Variants in LHX9 observed in about 807,000 individuals in gnomAD.
LHX9 encodes the protein LIM/homeobox protein Lhx9.
A neutral mutation model predicts 36.5 loss-of-function variants in LHX9; 9 were observed. The ratio of observed to expected loss-of-function variants is 0.25; its 90% CI spans 0.15 to 0.43. The LOEUF (loss-of-function observed/expected upper bound fraction) is 0.43. Ranked by LOEUF, LHX9 falls within the 20% of genes least tolerant of loss-of-function variation. The pLI, the probability that LHX9 is intolerant of heterozygous loss-of-function variation, is 1.00. For synonymous variants in LHX9, 211 were observed against 212.1 expected (o/e 0.99, Z 0.04); for missense variants, 464 against 526.4 (o/e 0.88, Z 1.16).
Position 197,920,171 on chromosome 1 carries a change from A to T in LHX9, c.374A>T (p.Tyr125Phe). 6.2e-7 allele frequency: 1 copy of T among 1,613,718 alleles called. No individual in the cohort carries two copies. The highest frequency in any genetic ancestry group is 8.5e-7 in the Non-Finnish European group (1 of 1,179,640). The stretch of plus-strand genomic sequence containing the variant: ...AGCATTTACTGCAAGGAGGATTACT[A>T]CAGGTACTCCCCTACACCCCCACTT... Reference protein sequence around the residue: ...DGSIYCKEDYYRRFSVQRCAR... With the variant: ...DGSIYCKEDYFRRFSVQRCAR... The change falls in exon 2 of 5, where the codon TAC becomes TTC. Residue 125 changes from tyrosine to phenylalanine, a missense_variant. Tyr to Phe is a conservative substitution (Grantham distance 22). Coordinates refer to ENST00000367387, the MANE Select transcript of LHX9 (RefSeq NM_020204.3).
At chr1:197,914,943 T>A (rs1034800693), upstream of LHX9, among the ~76,000 whole-genome samples, 15 of 152,180 alleles carry the variant, frequency 9.9e-5, no homozygotes, top group African/African-American at 3.6e-4. Flanking sequence ...TTGTGTGGAA[T>A]AGAAGAATGA....
chr1:197,918,576 A>G, intron 1 of LHX9: 1 of 575,168 alleles, frequency 1.7e-6, no homozygotes, highest in Non-Finnish European at 3.1e-6. Flanking sequence ...AGACAGCACT[A>G]CGTTTAGCGC....
intron 3 of LHX9, among the ~76,000 whole-genome samples, chr1:197,926,705 G>A (rs994243408): frequency 6.6e-6 from 1 of 152,148 alleles, no homozygotes; most frequent in Non-Finnish European, 1.5e-5. Flanking sequence ...CACACATCTG[G>A]AGCAAAAGGG....
rs530092935 is a variant in LHX9 at position 197,921,805 on chromosome 1, A to G, written c.733+146A>G. The G allele has an allele frequency of 2.0e-4, 141 of 708,692 alleles. No homozygotes were observed. The highest frequency in any genetic ancestry group is 3.2e-5 in the Non-Finnish European group (14 of 439,596). 43.9% of individuals were successfully genotyped at this position (708,692 alleles called of 1,614,324 possible). A position where few individuals can be genotyped will look rare whatever the true frequency, so the allele number is the denominator to read the frequency against. ...CTGCAACTCCCTCTCACTCTGAAGG[A>G]AGGGAGAGAGGGAGGAGGAGGGGGG... On this transcript the variant is annotated intron_variant, in intron 3 of 4. Transcript: ENST00000367387. This position sits in a 1 kb window ranked among gnomAD's most constrained non-coding sequence, Gnocchi z 4.6.
chr1:197,913,098 G>T (rs573025785), upstream of LHX9: 59 of 155,310 alleles, frequency 3.8e-4, no homozygotes, highest in Non-Finnish European at 7.7e-4. Flanking sequence ...AGAGCTGAGG[G>T]CAGGCGGCGC....
chr1:197,921,788 C>A lies in LHX9; in HGVS notation c.733+129C>A. 2 of 735,964 alleles carry A rather than the reference C, an allele frequency of 2.7e-6. No individual in the cohort carries two copies. Among genetic ancestry groups the A allele is most frequent in the Non-Finnish European group, 4.3e-6 (2 of 462,582 alleles). 45.6% of individuals were successfully genotyped at this position (735,964 alleles called of 1,614,324 possible). ...CAATGCCTCTGTTCTCACTGCAACT[C>A]CCTCTCACTCTGAAGGAAGGGAGAG... On this transcript the variant is annotated intron_variant, in intron 3 of 4. Coordinates refer to ENST00000367387, the MANE Select transcript of LHX9 (RefSeq NM_020204.3). This position sits in a 1 kb window ranked among gnomAD's most constrained non-coding sequence, Gnocchi z 4.6.
Position 197,920,288 on chromosome 1 carries a change from T to G in LHX9, c.377+114T>G. On this transcript the variant is annotated intron_variant, in intron 2 of 4. Coordinates refer to ENST00000367387, the MANE Select transcript of LHX9 (RefSeq NM_020204.3). ...TTTTGCCCCATTCCGGGTGCTGTTA[T>G]CATTTCGGAGACCAGGCAAACCCAC... 3 of 909,260 alleles carry G rather than the reference T, an allele frequency of 3.3e-6. No homozygotes were observed. The Admixed American group carries it at 6.0e-5, about 18-fold the overall frequency. 56.3% of individuals were successfully genotyped at this position (909,260 alleles called of 1,614,324 possible).
rs189373986 is a variant in LHX9, at chr1:197,924,641, C to T, written c.734-2950C>T. 7.9e-5 allele frequency among the ~76,000 whole-genome samples: 12 copies of T among 152,290 alleles called. No individual in the cohort carries two copies. In the East Asian group the frequency reaches 2.3e-3, roughly 29 times the overall value. ...TTTGCCACTTCTCAAAATATCCTTT[C>T]CTTAAGCCCTTTCTTCCTATCCAAA... On this transcript the variant is annotated intron_variant, in intron 3 of 4. Coordinates refer to ENST00000367387, the MANE Select transcript of LHX9 (RefSeq NM_020204.3).
At chr1:197,917,167 C>T (rs2102590467), upstream of LHX9, 2 of 928,042 alleles carry the variant, frequency 2.2e-6, no homozygotes, top group South Asian at 1.0e-4. Flanking sequence ...GCCCCCTCCT[C>T]CTGCCTCCCC....
chr1:197,931,851 A>G lies in LHX9; in HGVS notation c.*2592A>G. On this transcript the variant is annotated 3_prime_UTR_variant, in exon 5 of 5. Coordinates refer to ENST00000367387, the MANE Select transcript of LHX9 (RefSeq NM_020204.3). ...CAAATGGATATTTGTAAATCTAAAT[A>G]GAAATTGCAGACCCCTAAAAGCCAA... 1 of 1,013,886 alleles carries G rather than the reference A, an allele frequency of 9.9e-7. No homozygotes were observed. The highest frequency in any genetic ancestry group is 2.1e-4 in the Middle Eastern group (1 of 4,858). 62.8% of individuals were successfully genotyped at this position (1,013,886 alleles called of 1,614,324 possible).
chr1:197,916,778 C>T, upstream of LHX9: 1 of 702,960 alleles, frequency 1.4e-6, no homozygotes, highest in Non-Finnish European at 2.6e-6. Flanking sequence ...AATTGTCAGA[C>T]AGCTGCTTTT....
upstream of LHX9, chr1:197,916,369 G>A (rs1350052827): frequency 2.7e-6 from 1 of 366,112 alleles, no homozygotes; most frequent in African/African-American, 2.1e-5. Flanking sequence ...CTGAGTGTGC[G>A]GGTGCGCCCA....
chr1:197,920,227 C>A, intron 2 of LHX9, 53 bp downstream of exon 2: 1 of 1,551,354 alleles, frequency 6.4e-7, no homozygotes, highest in Non-Finnish European at 8.9e-7. Context: ...GAGGGGCCAT[C>A]TGCCTGAGCC....
chr1:197,932,098 G>T lies in LHX9; in HGVS notation c.*2839G>T. 1 of 607,842 alleles carries T rather than the reference G, an allele frequency of 1.6e-6. No homozygotes were observed. Among genetic ancestry groups the T allele is most frequent in the Admixed American group, 3.0e-5 (1 of 33,216 alleles). The allele number at this position is 607,842 out of a possible 1,614,324, so 37.7% of individuals were successfully genotyped here. ...AGCCAAAAAAAAAGAGAGAGAGAGA[G>T]ACTTAAATGTCATTTACTGAATGTT... On this transcript the variant is annotated 3_prime_UTR_variant, in exon 5 of 5. Transcript: ENST00000367387.
chr1:197,913,411 G>A (rs1448672302), upstream of LHX9, among the ~76,000 whole-genome samples: 2 of 152,176 alleles, frequency 1.3e-5, no homozygotes, highest in Non-Finnish European at 2.9e-5. Context: ...CTGCTTGGCT[G>A]ACTCCCATTT....
chr1:197,914,365 C>T (rs558151656), upstream of LHX9, among the ~76,000 whole-genome samples: 11 of 151,424 alleles, frequency 7.3e-5, no homozygotes, highest in East Asian at 2.0e-3. Context: ...GGAACACTTG[C>T]GGGCCATTCA....
At position 197,917,795 on chromosome 1, in the gene LHX9, G is replaced by A. The variant is rs747355350; in HGVS notation, c.-29G>A. On this transcript the variant is annotated 5_prime_UTR_variant, in exon 1 of 5. Coordinates refer to ENST00000367387, the MANE Select transcript of LHX9 (RefSeq NM_020204.3). ...TCTGGTCCCTTGCCTCCTTCACTCG[G>A]ATGAGCTGAAAGCCCCGGGCGTGTG... 3.1e-6 allele frequency: 5 copies of A among 1,614,026 alleles called. No individual in the cohort carries two copies. The South Asian group carries it at 4.4e-5, about 14-fold the overall frequency.
chr1:197,924,983 T>A (rs1660101909), intron 3 of LHX9, among the ~76,000 whole-genome samples: 1 of 114,612 alleles, frequency 8.7e-6, no homozygotes, highest in African/African-American at 3.4e-5. Flanking sequence ...ATATAATGCA[T>A]GTGTAGTTAA....
Position 197,920,230 on chromosome 1 carries a change from C to G in LHX9, c.377+56C>G, listed in dbSNP as rs917037685. Reference sequence around the variant, plus strand: ...CGAGTACACCTGGAGGGGCCATCTGCCTGAGCCCGGAATCCCCTCTCCGTC... The same window carrying G: ...CGAGTACACCTGGAGGGGCCATCTGGCTGAGCCCGGAATCCCCTCTCCGTC... On this transcript the variant is annotated intron_variant, in intron 2 of 4. Coordinates refer to ENST00000367387, the MANE Select transcript of LHX9 (RefSeq NM_020204.3). The G allele has an allele frequency of 1.0e-5, 16 of 1,544,758 alleles. No individual in the cohort carries two copies. The African/African-American group carries it at 1.6e-4, about 16-fold the overall frequency.
Sources: allele counts gnomAD v4.1 joint callset (sites outside exome capture counted in the v4.1 genomes callset), GRCh38; gene constraint gnomAD v4.1.1; non-coding constraint Gnocchi (gnomAD v3.1); transcripts MANE v1.5; gene names NCBI Gene and HGNC (gene_info 2026-07-23, HGNC 2026-07-21).